The following GRAMD1C variants were observed in gnomAD, a reference collection of about 807,000 sequenced individuals.
GRAMD1C encodes GRAM domain containing 1C.
Under a neutral mutation model 97.8 loss-of-function variants are expected in GRAMD1C, and 89 were observed. The ratio of observed to expected loss-of-function variants is 0.91; its 90% confidence interval spans 0.77 to 1.09. The LOEUF (loss-of-function observed/expected upper bound fraction) is 1.09. GRAMD1C is among the 50% of genes least tolerant of loss of function. GRAMD1C has a pLI of 0.00. For missense variants in GRAMD1C, 740 were observed against 766.4 expected (o/e 0.97, Z 0.41); for synonymous variants, 256 against 267.0 (o/e 0.96, Z 0.40).
chr3:113,882,991 A>G (rs185581500), intron 6 of GRAMD1C, among the ~76,000 whole-genome samples, 159 bp downstream of exon 6: 4 of 152,342 alleles, frequency 2.6e-5, no homozygotes, highest in Admixed American at 2.0e-4. Context: ...TTACAAGTTA[A>G]GATGTTAATT....
intron 10 of GRAMD1C, among the ~76,000 whole-genome samples, chr3:113,920,905 C>A (rs1337784660): frequency 1.3e-5 from 2 of 152,118 alleles, no homozygotes; most frequent in Non-Finnish European, 2.9e-5. Context: ...TATGACACTA[C>A]TTTTTAAATG....
At chr3:113,885,987 C>G in intron 6 of GRAMD1C, 8 of 1,452,474 alleles carry the variant, frequency 5.5e-6, no homozygotes, top group Non-Finnish European at 7.4e-6. Flanking sequence ...CGCTGACGTT[C>G]ATTCTGTGCT....
At chr3:113,911,173 G>GAGACACAC (rs375233107) in intron 9 of GRAMD1C, among the ~76,000 whole-genome samples, 2 of 147,440 alleles carry the variant, frequency 1.4e-5, no homozygotes, top group Non-Finnish European at 3.0e-5. Context: ...CAGAGAGAGA[G>GAGACACAC]ACACACACAC....
At chr3:113,898,684 A>G (rs910273841) in intron 6 of GRAMD1C, among the ~76,000 whole-genome samples, 2 of 152,120 alleles carry the variant, frequency 1.3e-5, no homozygotes, top group African/African-American at 2.4e-5. Context: ...TGTTAGATAT[A>G]TATTATTTCC....
intron 1 of GRAMD1C, among the ~76,000 whole-genome samples, chr3:113,840,990 T>C (rs190581975): frequency 3.9e-5 from 6 of 152,358 alleles, no homozygotes; most frequent in Middle Eastern, 3.4e-3. Context: ...AGAGATGTTA[T>C]GTCTCTCTGG....
At chr3:113,849,307 A>ATTTTTTT (rs1256188993) in intron 2 of GRAMD1C, among the ~76,000 whole-genome samples, 2 of 141,022 alleles carry the variant, frequency 1.4e-5, no homozygotes, top group South Asian at 4.5e-4. Flanking sequence ...TTATTTATTT[A>ATTTTTTT]TTTTTTATTG....
chr3:113,841,720 CAG>C (rs1933332200), intron 1 of GRAMD1C, among the ~76,000 whole-genome samples: 3 of 152,242 alleles, frequency 2.0e-5, no homozygotes, highest in Admixed American at 6.5e-5. Context: ...TATTTTGAGA[CAG>C]AGTCTTGCTC....
chr3:113,880,918 A>G (rs1281786931), intron 5 of GRAMD1C, among the ~76,000 whole-genome samples: 1 of 152,168 alleles, frequency 6.6e-6, no homozygotes, highest in Non-Finnish European at 1.5e-5. Context: ...CTTCCTCACT[A>G]TGTTAACTCA....
chr3:113,884,252 T>C (rs1024836387), intron 6 of GRAMD1C, among the ~76,000 whole-genome samples: 1 of 152,120 alleles, frequency 6.6e-6, no homozygotes, highest in African/African-American at 2.4e-5. Context: ...AAAATAATAC[T>C]AAATACGTTC....
chr3:113,933,730 G>T, intron 12 of GRAMD1C, 77 bp downstream of exon 12: 1 of 994,234 alleles, frequency 1.0e-6, no homozygotes, highest in Non-Finnish European at 1.5e-6. Context: ...ATTCTTAGTA[G>T]TAGCTTTACA....
At position 113,933,640 on chromosome 3, in the gene GRAMD1C, A is replaced by G; in HGVS notation, c.1339A>G (p.Lys447Glu). The G allele has an allele frequency of 1.9e-6, 3 of 1,608,906 alleles. No individual in the cohort carries two copies. The highest frequency in any genetic ancestry group is 2.6e-6 in the Non-Finnish European group (3 of 1,175,574). Reference sequence around the variant, plus strand: ...CTGTATCATCCGATCTTCAAAACAGAAATGCAGGCTAAGGTGAGCTGCTGT... The same window carrying G: ...CTGTATCATCCGATCTTCAAAACAGGAATGCAGGCTAAGGTGAGCTGCTGT... The part of the protein sequence containing the change: ...RYCIIRSSKQ[K>E]CRLRVSTDLK... Residue 447 changes from lysine (K) to glutamate (E), a missense_variant, in exon 12 of 18, where the codon AAA (lysine) becomes GAA (glutamate). By Grantham distance (56) the Lys-to-Glu change is moderately conservative. Transcript: ENST00000358160.
In GRAMD1C at chr3:113,858,422, G is replaced by T. The variant is rs184028566; in HGVS notation, c.175-11085G>T. Reference sequence around the variant, plus strand: ...TTTTTTTTTTTTTTTTTGAGACAGGGTCTTAATCTGTTGCCAGGCTGGAGT... The same window carrying T: ...TTTTTTTTTTTTTTTTTGAGACAGGTTCTTAATCTGTTGCCAGGCTGGAGT... On this transcript the variant is annotated intron_variant, in intron 2 of 17. Transcript: ENST00000358160. Among the ~76,000 whole-genome samples the T allele has an allele frequency of 7.8e-5, 11 of 140,812 alleles. No homozygotes were observed. The South Asian group carries it at 2.3e-3, about 29-fold the overall frequency. 92.4% of individuals were successfully genotyped at this position (140,812 alleles called of 152,430 possible).
chr3:113,836,874 C>G (rs1383904658), upstream of GRAMD1C, among the ~76,000 whole-genome samples: 2 of 152,024 alleles, frequency 1.3e-5, no homozygotes, highest in Admixed American at 1.3e-4. Flanking sequence ...AAACTCCTGA[C>G]CTCAGGTGAT....
At chr3:113,893,863 T>C (rs1935832522) in intron 6 of GRAMD1C, among the ~76,000 whole-genome samples, 1 of 152,216 alleles carries the variant, frequency 6.6e-6, no homozygotes, top group African/African-American at 2.4e-5. Flanking sequence ...AAATAATTAC[T>C]ACTGTTAACA....
In GRAMD1C at chr3:113,933,618, T is replaced by C; in HGVS notation, c.1317T>C (p.Cys439=). 1.9e-6 allele frequency: 3 copies of C among 1,607,360 alleles called. No homozygotes were observed. The highest frequency in any genetic ancestry group is 2.6e-6 in the Non-Finnish European group (3 of 1,173,950). ...HDYFYTVNRY[C]IIRSSKQKCR... ...ACTTCTATACCGTGAACAGATACTG[T>C]ATCATCCGATCTTCAAAACAGAAAT... Residue 439 remains cysteine (C), a synonymous_variant, in exon 12 of 18, where the codon TGT becomes TGC. Coordinates refer to ENST00000358160, the MANE Select transcript of GRAMD1C (RefSeq NM_017577.5).
intron 14 of GRAMD1C, among the ~76,000 whole-genome samples, chr3:113,937,555 G>T (rs1239336435): frequency 6.6e-6 from 1 of 152,138 alleles, no homozygotes; most frequent in Non-Finnish European, 1.5e-5. Flanking sequence ...AAATTTTAAG[G>T]AGTGCTGAAA....
At chr3:113,861,648 C>T (rs1262339574) in intron 2 of GRAMD1C, among the ~76,000 whole-genome samples, 1 of 152,110 alleles carries the variant, frequency 6.6e-6, no homozygotes, top group African/African-American at 2.4e-5. Flanking sequence ...AGAACTCTTA[C>T]ATAGCTCAAT....
chr3:113,852,856 G>GT (rs1453240872), intron 2 of GRAMD1C, among the ~76,000 whole-genome samples: 1 of 151,950 alleles, frequency 6.6e-6, no homozygotes, highest in African/African-American at 2.4e-5. Flanking sequence ...AAGGAAACTT[G>GT]TCTGTCTAAG....
chr3:113,860,407 C>T (rs1315721060), intron 2 of GRAMD1C, among the ~76,000 whole-genome samples: 1 of 152,096 alleles, frequency 6.6e-6, no homozygotes, highest in East Asian at 1.9e-4. Context: ...GAAAGACATG[C>T]CATATTCATG....
Sources: gnomAD v4.1 joint callset for allele counts (sites outside exome capture counted in the v4.1 genomes callset) on GRCh38, gnomAD v4.1.1 for gene constraint, MANE v1.5 for transcripts, NCBI Gene and HGNC (gene_info 2026-07-23, HGNC 2026-07-21) for gene names.